GALNT9: variants seen among roughly 807,000 people sequenced by gnomAD.
GALNT9 encodes the protein GalNAc transferase 9.
A neutral mutation model predicts 63.1 loss-of-function variants in GALNT9; 47 were observed. The observed-to-expected ratio is 0.75, with a 90% confidence interval of 0.59 to 0.95. The LOEUF (loss-of-function observed/expected upper bound fraction) is 0.95, where lower values mean the gene tolerates loss of function less well. Among genes scored for constraint, GALNT9 ranks in the 40% least tolerant of loss-of-function variants. The pLI, the probability that GALNT9 is intolerant of heterozygous loss-of-function variation, is 0.00. For missense variants in GALNT9, 829 were observed against 874.8 expected, an observed-to-expected ratio of 0.95 and a Z score of 0.66; for synonymous variants, 396 against 365.7, an observed-to-expected ratio of 1.08 and a Z score of -0.94.
At chr12:132,293,495 G>A (rs1555242960) in intron 1 of GALNT9, among the ~76,000 whole-genome samples, 1 of 152,150 alleles carries the variant, frequency 6.6e-6, no homozygotes, top group African/African-American at 2.4e-5. Flanking sequence ...CTCCACACAC[G>A]CATTTCCTGC....
At chr12:132,249,814 G>A (rs1274531932) in intron 5 of GALNT9, among the ~76,000 whole-genome samples, 2 of 152,224 alleles carry the variant, frequency 1.3e-5, no homozygotes, top group Non-Finnish European at 2.9e-5. Context: ...ACAGAAAAAG[G>A]TGGGCTGAGG....
chr12:132,201,418 C>CCG (rs1565982226), intron 7 of GALNT9, 157 bp from the exon 8 acceptor site: 1 of 252,800 alleles, frequency 4.0e-6, no homozygotes, highest in Non-Finnish European at 7.8e-6. Context: ...TTGGGACCCC[C>CCG]CAGCCTCCTA....
intron 2 of GALNT9, among the ~76,000 whole-genome samples, chr12:132,270,714 G>A (rs949260147): frequency 1.3e-5 from 2 of 152,104 alleles, no homozygotes; most frequent in African/African-American, 2.4e-5. Context: ...CCACGGACAC[G>A]GCCACGGCCA....
At chr12:132,223,051 AC>A (rs1877528728) in intron 6 of GALNT9, among the ~76,000 whole-genome samples, 1 of 74,300 alleles carries the variant, frequency 1.3e-5, no homozygotes, top group African/African-American at 5.6e-5. Flanking sequence ...ACACAGACAC[AC>A]CACACAACCC....
chr12:132,315,002 G>C lies in GALNT9; in HGVS notation c.238+13964C>G. Reference sequence around the variant, plus strand: ...TCCCAGAGCTTTGCAGGCTCCCCTTGTCCAGCGTCCTCACAACAGAGGTGA... The same window carrying C: ...TCCCAGAGCTTTGCAGGCTCCCCTTCTCCAGCGTCCTCACAACAGAGGTGA... On this transcript the variant is annotated intron_variant, in intron 1 of 10. Transcript: ENST00000328957. The surrounding 1 kb of genome is among the most constrained non-coding windows in gnomAD (Gnocchi z 6.1). 6.6e-6 allele frequency among the ~76,000 whole-genome samples: 1 copy of C among 152,162 alleles called. No homozygotes were observed. Among genetic ancestry groups the C allele is most frequent in the Admixed American group, 6.5e-5 (1 of 15,278 alleles).
rs1374972505 is a variant in GALNT9 at position 132,316,703 on chromosome 12, C to T, written c.238+12263G>A. ...GCCACCCTTTCAGATCCGACAGGGA[C>T]GCCCACCCCAGCCCACTCCCTCTGC... On this transcript the variant is annotated intron_variant, in intron 1 of 10. Transcript: ENST00000328957. This position sits in a 1 kb window ranked among gnomAD's most constrained non-coding sequence, Gnocchi z 4.3. 1.3e-5 allele frequency among the ~76,000 whole-genome samples: 2 copies of T among 152,024 alleles called. No individual in the cohort carries two copies. Among genetic ancestry groups the T allele is most frequent in the Non-Finnish European group, 2.9e-5 (2 of 67,966 alleles).
chr12:132,209,255 G>A (rs546265567), intron 6 of GALNT9, among the ~76,000 whole-genome samples: 13 of 152,182 alleles, frequency 8.5e-5, no homozygotes, highest in South Asian at 4.1e-4. Flanking sequence ...GGCCGGGTGC[G>A]GTGGCTCACG....
intron 5 of GALNT9, among the ~76,000 whole-genome samples, chr12:132,257,472 CGCCCTCGTCCCCG>C (rs1879169989): frequency 2.1e-5 from 3 of 145,120 alleles, no homozygotes; most frequent in African/African-American, 7.7e-5. Flanking sequence ...CTCGTCCCCA[CGCCCTCGTCCCCG>C]GCCCTCGTCC....
chr12:132,212,124 C>T (rs1468923608), intron 6 of GALNT9, among the ~76,000 whole-genome samples: 2 of 150,778 alleles, frequency 1.3e-5, no homozygotes, highest in East Asian at 1.9e-4. Context: ...GACCGTGACA[C>T]GGAAACCCCA....
chr12:132,328,925 G>A, intron 1 of GALNT9, 41 bp downstream of exon 1: 7 of 1,476,508 alleles, frequency 4.7e-6, no homozygotes, highest in Middle Eastern at 2.2e-4. Context: ...CCACTGTCCC[G>A]GGCAGGGCTG....
At position 132,238,202 on chromosome 12, in the gene GALNT9, C is replaced by G. The variant is rs1460143853; in HGVS notation, c.1077+9708G>C. Reference sequence around the variant, plus strand: ...GACGCGGGCAGGGGCTGCTCAGGACCCAGGAGAGAGGGGAGAGAGGGGGCG... The same window carrying G: ...GACGCGGGCAGGGGCTGCTCAGGACGCAGGAGAGAGGGGAGAGAGGGGGCG... On this transcript the variant is annotated intron_variant, in intron 6 of 10. Coordinates refer to ENST00000328957, the MANE Select transcript of GALNT9 (RefSeq NM_001122636.2). The surrounding 1 kb of genome is among the most constrained non-coding windows in gnomAD (Gnocchi z 6.5). 1.3e-5 allele frequency among the ~76,000 whole-genome samples: 2 copies of G among 151,868 alleles called. No individual in the cohort carries two copies. The highest frequency in any genetic ancestry group is 2.9e-5 in the Non-Finnish European group (2 of 67,946).
intron 5 of GALNT9, among the ~76,000 whole-genome samples, chr12:132,254,018 GT>G (rs200441543): frequency 2.0e-4 from 29 of 142,200 alleles, no homozygotes; most frequent in East Asian, 8.2e-4. Flanking sequence ...GCCCTTCACT[GT>G]TTTTTCTTTT....
At chr12:132,264,568 C>T (rs1455500772) in intron 2 of GALNT9, among the ~76,000 whole-genome samples, 2 of 152,172 alleles carry the variant, frequency 1.3e-5, no homozygotes, top group African/African-American at 4.8e-5. Context: ...AGGCCGTGTC[C>T]GCGTGGCCGG....
At chr12:132,208,951 C>T (rs1876837998) in intron 6 of GALNT9, among the ~76,000 whole-genome samples, 1 of 152,200 alleles carries the variant, frequency 6.6e-6, no homozygotes, top group African/African-American at 2.4e-5. Context: ...GTTGATACCC[C>T]TGTCTTGGGG....
chr12:132,207,796 C>A (rs60465054), intron 6 of GALNT9, among the ~76,000 whole-genome samples: 4,913 of 152,252 alleles, frequency 0.032, 251 homozygotes, highest in African/African-American at 0.11. Flanking sequence ...CGTGACCTGG[C>A]TTTTCAGCAG....
rs1276078211 is a variant in GALNT9, at chr12:132,282,414, TGTGTGTGC to T, written c.419+3828_419+3835del. ...AAATACGTGTGTGCGCGTGTGTGCGTGTGTGTGCGTGTGTGCGTGCATGCGTGTGTGTG... is the reference window on the plus strand; with the variant it reads ...AAATACGTGTGTGCGCGTGTGTGCGTGTGTGTGCGTGCATGCGTGTGTGTG... On this transcript the variant is annotated intron_variant, in intron 2 of 10. Coordinates refer to ENST00000328957, the MANE Select transcript of GALNT9 (RefSeq NM_001122636.2). This position sits in a 1 kb window ranked among gnomAD's most constrained non-coding sequence, Gnocchi z 4.5. Among the ~76,000 whole-genome samples the T allele has an allele frequency of 1.0e-4, 15 of 147,394 alleles. No homozygotes were observed. The highest frequency in any genetic ancestry group is 6.7e-4 in the East Asian group (3 of 4,504).
Position 132,262,544 on chromosome 12 carries a change from G to A in GALNT9, c.501C>T (p.Ile167=). ...TGACCACGCTGTGCACGGAGCGCAG[G>A]ATGACCGACAGCGCCTCATTGACGA... ...FIFVNEALSV[I]LRSVHSVVNH... is the part of the protein sequence containing the mutation. Residue 167 remains isoleucine (I), a synonymous_variant, in exon 3 of 11, where the codon ATC becomes ATT. Coordinates refer to ENST00000328957, the MANE Select transcript of GALNT9 (RefSeq NM_001122636.2). 6 of 1,551,496 alleles carry A rather than the reference G, an allele frequency of 3.9e-6. No homozygotes were observed. Among genetic ancestry groups the A allele is most frequent in the Non-Finnish European group, 5.2e-6 (6 of 1,146,920 alleles).
At chr12:132,268,214 C>T (rs1879727232) in intron 2 of GALNT9, among the ~76,000 whole-genome samples, 1 of 152,048 alleles carries the variant, frequency 6.6e-6, no homozygotes, top group Non-Finnish European at 1.5e-5. Context: ...CACCCATACA[C>T]ACATTCACAC....
intron 6 of GALNT9, among the ~76,000 whole-genome samples, chr12:132,239,628 A>T (rs1370544578): frequency 1.4e-5 from 2 of 141,008 alleles, no homozygotes; most frequent in African/African-American, 5.3e-5. Context: ...ACTGAGAGAC[A>T]GAGAGACAGA....
Sources: allele counts gnomAD v4.1 joint callset (sites outside exome capture counted in the v4.1 genomes callset), GRCh38; gene constraint gnomAD v4.1.1; non-coding constraint Gnocchi (gnomAD v3.1); transcripts MANE v1.5; gene names NCBI Gene and HGNC (gene_info 2026-07-23, HGNC 2026-07-21).